UBXN1: variants seen among roughly 807,000 people sequenced by gnomAD.
UBXN1 encodes the protein UBX domain protein 1.
UBXN1 carries 21 observed loss-of-function variants against 42.0 expected under a neutral mutation model. That is an observed-to-expected ratio of 0.50 (90% CI 0.35 to 0.72). UBXN1 has a LOEUF of 0.72. Among genes scored for constraint, UBXN1 ranks in the 30% least tolerant of loss-of-function variants. The pLI is 0.00. For missense variants in UBXN1, 374 were observed against 382.2 expected, an observed-to-expected ratio of 0.98 and a Z score of 0.18; for synonymous variants, 172 against 142.6, an observed-to-expected ratio of 1.21 and a Z score of -1.47.
Position 62,678,912 on chromosome 11 carries a change from C to A in UBXN1, c.12G>T (p.Leu4=). The part of the protein sequence containing the change: MAE[L]TALESLIEMG... ...TCTCGATGAGACTCTCAAGAGCCGT[C>A]AGCTCCGCCATGGCGCCGACACCGC... is the stretch of plus-strand genomic sequence containing the variant. The change falls in exon 1 of 9, where the codon CTG becomes CTT. Residue 4 remains leucine (L), a synonymous_variant. Coordinates refer to ENST00000301935, the MANE Select transcript of UBXN1 (RefSeq NM_001286077.2). 6.3e-7 allele frequency: 1 copy of A among 1,592,536 alleles called. No homozygotes were observed. The highest frequency in any genetic ancestry group is 8.5e-7 in the Non-Finnish European group (1 of 1,172,608).
At position 62,677,000 on chromosome 11, in the gene UBXN1, C is replaced by T. The variant is rs748238138; in HGVS notation, c.657G>A (p.Arg219=). 5.6e-6 allele frequency: 9 copies of T among 1,608,528 alleles called. No individual in the cohort carries two copies. Among genetic ancestry groups the T allele is most frequent in the African/African-American group, 1.3e-5 (1 of 74,888 alleles). ...REYDQCRIQV[R]LPDGTSLTQT... ...GGGTCAGTGAGGTCCCATCTGGCAG[C>T]CTGACCTAAAGGGCAAGGGAGATAC... The change falls in exon 8 of 9, where the codon AGG becomes AGA. Residue 219 remains arginine, a synonymous_variant. Transcript: ENST00000301935.
In UBXN1 at chr11:62,678,492, G is replaced by C; in HGVS notation, c.220+3C>G. The C allele has an allele frequency of 6.2e-7, 1 of 1,612,626 alleles. No homozygotes were observed. The highest frequency in any genetic ancestry group is 8.5e-7 in the Non-Finnish European group (1 of 1,179,524). On this transcript the variant is annotated splice_donor_region_variant and intron_variant, in intron 3 of 8. Coordinates refer to ENST00000301935, the MANE Select transcript of UBXN1 (RefSeq NM_001286077.2). ...AATCACACCGTGGACCCTCAGTCAG[G>C]ACCTTCAAGGCCGCCTTGCTCTGAG... is the stretch of plus-strand genomic sequence containing the variant.
rs201490859 is a variant in UBXN1, at chr11:62,678,399, G to A, written c.230C>T (p.Ser77Phe). The change falls in exon 4 of 9, where the codon TCT (serine) becomes TTT (phenylalanine). Residue 77 changes from serine to phenylalanine, a missense_variant. Ser to Phe is a radical substitution (Grantham distance 155, BLOSUM62 -2). Coordinates refer to ENST00000301935, the MANE Select transcript of UBXN1 (RefSeq NM_001286077.2). ...AGCGGGTTTGCCTTCTCCGGCAGCA[G>A]AACCAGATCCTACAAACAAACAATC... is the stretch of plus-strand genomic sequence containing the variant. ...SEQGGLEGSG[S>F]AAGEGKPALS... 5.9e-5 allele frequency: 96 copies of A among 1,614,102 alleles called. No individual in the cohort carries two copies. The East Asian group carries it at 1.7e-3, about 29-fold the overall frequency.
chr11:62,678,645 C>CAA, intron 2 of UBXN1, 44 bp from the exon 3 acceptor site: 4 of 1,607,206 alleles, frequency 2.5e-6, no homozygotes, highest in Non-Finnish European at 3.4e-6. Flanking sequence ...GAGGCTGCCC[C>CAA]TCCCGCCAGC....
At chr11:62,678,825 C>G in intron 1 of UBXN1, 40 bp downstream of exon 1, 1 of 1,608,246 alleles carries the variant, frequency 6.2e-7, no homozygotes, top group Non-Finnish European at 8.5e-7. Flanking sequence ...AGGTCCGCGA[C>G]CCCCCACACC....
chr11:62,678,558 C>G lies in UBXN1; in HGVS notation c.157G>C (p.Glu53Gln). Residue 53 changes from glutamate to glutamine, a missense_variant, in exon 3 of 9, where the codon GAG becomes CAG. Physicochemically the swap from Glu to Gln is conservative, Grantham distance 29 (BLOSUM62 2). Coordinates refer to ENST00000301935, the MANE Select transcript of UBXN1 (RefSeq NM_001286077.2). Reference protein sequence around the residue: ...EDDPDVDEPLETPLGHILGRE... With the variant: ...EDDPDVDEPLQTPLGHILGRE... ...CCCAGGATATGTCCAAGGGGAGTCT[C>G]TAAAGGCTCGTCCACATCGGGGTCG... The G allele has an allele frequency of 6.2e-7, 1 of 1,611,942 alleles. No homozygotes were observed. Among genetic ancestry groups the G allele is most frequent in the Non-Finnish European group, 8.5e-7 (1 of 1,178,526 alleles).
rs575003254 is a variant in UBXN1, at chr11:62,676,714, A to G, written c.845-75T>C. On this transcript the variant is annotated intron_variant, in intron 8 of 8. Transcript: ENST00000301935. ...CTCCCAAAATTCCTGGCCTTGCACC[A>G]TGTTCACAAAGCCCCTTCTCTTTGC... 5.2e-5 allele frequency: 84 copies of G among 1,614,056 alleles called. No homozygotes were observed. In the South Asian group the frequency reaches 8.6e-4, roughly 16 times the overall value.
rs1409680699 is a variant in UBXN1, at chr11:62,676,891, C to A, written c.766G>T (p.Asp256Tyr). 2.5e-6 allele frequency: 4 copies of A among 1,614,046 alleles called. No homozygotes were observed. Among genetic ancestry groups the A allele is most frequent in the Admixed American group, 1.7e-5 (1 of 60,010 alleles). ...AAGCCACTGAGCAATTGCACAGGGT[C>A]CTGGCCCCCACCTAGTTCCTCCCCA... Reference protein sequence around the residue: ...HRGEELGGGQDPVQLLSGFPR... With the variant: ...HRGEELGGGQYPVQLLSGFPR... The change falls in exon 8 of 9, where the codon GAC becomes TAC. Residue 256 changes from aspartate (D) to tyrosine (Y), a missense_variant. Physicochemically the swap from Asp to Tyr is radical, Grantham distance 160. Coordinates refer to ENST00000301935, the MANE Select transcript of UBXN1 (RefSeq NM_001286077.2).
chr11:62,679,009 A>T lies in UBXN1; in HGVS notation c.-86T>A, dbSNP rs988612342. The T allele has an allele frequency of 2.9e-5, 41 of 1,425,542 alleles. No individual in the cohort carries two copies. In the African/African-American group the frequency reaches 5.4e-4, roughly 19 times the overall value. 88.3% of individuals were successfully genotyped at this position (1,425,542 alleles called of 1,614,324 possible). ...GTCAGCGCGAGGCAACCCGCCCTCG[A>T]CACCCGCCGACGGGCGCTCGCTCTC... On this transcript the variant is annotated 5_prime_UTR_variant, in exon 1 of 9. Coordinates refer to ENST00000301935, the MANE Select transcript of UBXN1 (RefSeq NM_001286077.2).
intron 4 of UBXN1, 91 bp from the exon 5 acceptor site, chr11:62,678,209 C>CA: frequency 6.2e-7 from 1 of 1,603,998 alleles, no homozygotes. Flanking sequence ...ACATATATCC[C>CA]AAAGTAGATT....
intron 4 of UBXN1, 74 bp from the exon 5 acceptor site, chr11:62,678,192 T>C: frequency 2.5e-6 from 4 of 1,602,324 alleles, no homozygotes; most frequent in Non-Finnish European, 3.4e-6. Context: ...ATAAACAAAA[T>C]TAGGCGACAT....
At position 62,679,064 on chromosome 11, in the gene UBXN1, C is replaced by A. The variant is rs561997227; in HGVS notation, c.-141G>T. The A allele has an allele frequency of 2.2e-6, 2 of 912,826 alleles. No individual in the cohort carries two copies. The highest frequency in any genetic ancestry group is 2.7e-5 in the East Asian group (1 of 37,666). 56.5% of individuals were successfully genotyped at this position (912,826 alleles called of 1,614,324 possible). A position where few individuals can be genotyped will look rare whatever the true frequency, so the allele number is the denominator to read the frequency against. On this transcript the variant is annotated 5_prime_UTR_variant, in exon 1 of 9. Coordinates refer to ENST00000301935, the MANE Select transcript of UBXN1 (RefSeq NM_001286077.2). ...CCGGCTCTATAGCAGCCGGGAACAC[C>A]GACGAGAAGAAAGCCGAGGGGAAGC... is the stretch of plus-strand genomic sequence containing the variant.
intron 5 of UBXN1, 26 bp from the exon 6 acceptor site, chr11:62,677,858 G>A (rs1945052386): frequency 1.9e-6 from 3 of 1,614,044 alleles, no homozygotes; most frequent in Non-Finnish European, 1.7e-6. Context: ...GAAGAAATTA[G>A]GTCAGACATC....
chr11:62,677,205 G>A, intron 7 of UBXN1, 200 bp from the exon 8 acceptor site: 1 of 636,794 alleles, frequency 1.6e-6, no homozygotes, highest in South Asian at 2.0e-5. Context: ...CACAACCTAA[G>A]AAAGACAAGG....
At position 62,678,121 on chromosome 11, in the gene UBXN1, G is replaced by A; in HGVS notation, c.291-3C>T. 1 of 1,613,618 alleles carries A rather than the reference G, an allele frequency of 6.2e-7. No homozygotes were observed. The highest frequency in any genetic ancestry group is 8.5e-7 in the Non-Finnish European group (1 of 1,179,664). On this transcript the variant is annotated splice_region_variant and splice_polypyrimidine_tract_variant and intron_variant, in intron 4 of 8. Coordinates refer to ENST00000301935, the MANE Select transcript of UBXN1 (RefSeq NM_001286077.2). ...TCTGGGCCACCAGCTCCAACATCCT[G>A]TGTTGCCGAGGGAAAACAGTTCAAG...
Position 62,678,022 on chromosome 11 carries a change from T to C in UBXN1, c.387A>G (p.Gln129=), listed in dbSNP as rs765373162. 5.6e-6 allele frequency: 9 copies of C among 1,614,172 alleles called. No homozygotes were observed. In the South Asian group the frequency reaches 7.7e-5, roughly 14 times the overall value. Residue 129 remains glutamine (Q), a synonymous_variant, in exon 5 of 9, where the codon CAA becomes CAG. Transcript: ENST00000301935. The part of the protein sequence containing the change: ...ERERQRRRQG[Q]ELSAARQRLQ... ...GCCGCTGTCGTGCTGCTGACAACTC[T>C]TGCCCTTGTCTCCTGCGCTGCCGTT... is the stretch of plus-strand genomic sequence containing the variant.
chr11:62,678,212 A>G, intron 4 of UBXN1, 94 bp from the exon 5 acceptor site: 1 of 1,604,864 alleles, frequency 6.2e-7, no homozygotes, highest in Non-Finnish European at 8.5e-7. Context: ...TATATCCCAA[A>G]GTAGATTAAA....
At position 62,678,849 on chromosome 11, in the gene UBXN1, T is replaced by C. The variant is rs1945091761; in HGVS notation, c.59+16A>G. ...ACCCCCCACACCCGCAGGCCGGGGT[T>C]GGGGAACTCCCTTACGCGCGTCCCC... On this transcript the variant is annotated intron_variant, in intron 1 of 8. Transcript: ENST00000301935. 1 of 1,608,122 alleles carries C rather than the reference T, an allele frequency of 6.2e-7. No individual in the cohort carries two copies. The highest frequency in any genetic ancestry group is 8.5e-7 in the Non-Finnish European group (1 of 1,178,264).
rs766921095 is a variant in UBXN1 at position 62,676,817 on chromosome 11, C to A, written c.840G>T (p.Glu280Asp). ...TTTCTAGTCTTGCAGCCATACCCAG[C>A]TCCTGCAGAGGCCGCTCCATGTCAG... is the stretch of plus-strand genomic sequence containing the variant. ...SEADMERPLQELGLVPSAVLI... is the reference protein window; with the variant it reads ...SEADMERPLQDLGLVPSAVLI... The change falls in exon 8 of 9, where the codon GAG becomes GAT. Residue 280 changes from glutamate (E) to aspartate (D), a missense_variant. Physicochemically the swap from Glu to Asp is conservative, Grantham distance 45. Transcript: ENST00000301935. 2 of 1,614,220 alleles carry A rather than the reference C, an allele frequency of 1.2e-6. No homozygotes were observed. Among genetic ancestry groups the A allele is most frequent in the South Asian group, 1.1e-5 (1 of 91,084 alleles).
Sources: gnomAD v4.1 joint callset for allele counts on GRCh38, gnomAD v4.1.1 for gene constraint, MANE v1.5 for transcripts, NCBI Gene and HGNC (gene_info 2026-07-23, HGNC 2026-07-21) for gene names.